Variants in SLC44A1 observed in about 807,000 individuals in gnomAD.
The protein encoded by SLC44A1 is solute carrier family 44 member 1, also known as choline transporter-like protein 1.
In SLC44A1, 26 loss-of-function variants were observed where a neutral mutation model predicts 79.3. The observed-to-expected ratio is 0.33, with a 90% confidence interval of 0.24 to 0.46. SLC44A1 has a LOEUF of 0.46. SLC44A1 is among the 20% of genes least tolerant of loss of function. The pLI is 1.00. For synonymous variants in SLC44A1, 263 were observed against 286.2 expected (o/e 0.92, Z 0.82); for missense variants, 688 against 798.1 (o/e 0.86, Z 1.66).
chr9:105,293,472 C>T (rs1453099517), intron 1 of SLC44A1, among the ~76,000 whole-genome samples: 2 of 152,192 alleles, frequency 1.3e-5, no homozygotes, highest in Non-Finnish European at 2.9e-5. Context: ...ATATTTGAGA[C>T]CTAGTAACTC....
intron 4 of SLC44A1, among the ~76,000 whole-genome samples, chr9:105,342,320 C>A (rs987199719): frequency 6.6e-6 from 1 of 152,178 alleles, no homozygotes; most frequent in Non-Finnish European, 1.5e-5. Context: ...CTTTGTCCAG[C>A]ATATCCACAC....
Position 105,395,898 on chromosome 9 carries a change from CTTT to C in SLC44A1, c.*6855_*6857del, listed in dbSNP as rs570950056. ...TACCATGTTGATAATCCGGTGGTGA[CTTT>C]TTTTTTTTTTTTGTAAATTGTATTA... On this transcript the variant is annotated 3_prime_UTR_variant, in exon 16 of 16. Coordinates refer to ENST00000374720, the MANE Select transcript of SLC44A1 (RefSeq NM_080546.5). 35 of 859,022 alleles carry C rather than the reference CTTT, an allele frequency of 4.1e-5. No homozygotes were observed. Among genetic ancestry groups the C allele is most frequent in the Admixed American group, 6.9e-5 (1 of 14,580 alleles). The allele number at this position is 859,022 out of a possible 1,614,324, so 53.2% of individuals were successfully genotyped here. A position where few individuals can be genotyped will look rare whatever the true frequency, so the allele number is the denominator to read the frequency against.
At chr9:105,362,057 T>C (rs1000873777) in intron 8 of SLC44A1, among the ~76,000 whole-genome samples, 1 of 151,964 alleles carries the variant, frequency 6.6e-6, no homozygotes, top group Admixed American at 6.5e-5. Flanking sequence ...TGTGTGCGTG[T>C]GTGTGCGCGC....
chr9:105,244,670 C>T lies in SLC44A1; in HGVS notation c.-199C>T. 1 of 270,004 alleles carries T rather than the reference C, an allele frequency of 3.7e-6. No homozygotes were observed. The highest frequency in any genetic ancestry group is 6.9e-6 in the Non-Finnish European group (1 of 144,646). The allele number at this position is 270,004 out of a possible 1,614,324, so 16.7% of individuals were successfully genotyped here. A position where few individuals can be genotyped will look rare whatever the true frequency, so the allele number is the denominator to read the frequency against. ...AGCAGGAGACGCGTAGCCGCCGTCG[C>T]CGCCGCCGGGGGATGTGGCCGGCGC... On this transcript the variant is annotated 5_prime_UTR_variant, in exon 1 of 16. Coordinates refer to ENST00000374720, the MANE Select transcript of SLC44A1 (RefSeq NM_080546.5).
intron 3 of SLC44A1, among the ~76,000 whole-genome samples, chr9:105,321,443 A>G (rs77139204): frequency 0.017 from 2,608 of 152,288 alleles, 66 homozygotes; most frequent in African/African-American, 0.059. Context: ...ATTATGGAGA[A>G]ATAGAAATAG....
At position 105,396,817 on chromosome 9, in the gene SLC44A1, A is replaced by G. The variant is rs955524909; in HGVS notation, c.*7761A>G. ...TGTCCATTATAAACTGGAGGATCAC[A>G]GTTAAGCCTTCCATGAATTCATAGT... On this transcript the variant is annotated 3_prime_UTR_variant, in exon 16 of 16. Transcript: ENST00000374720. 30 of 984,778 alleles carry G rather than the reference A, an allele frequency of 3.0e-5. No individual in the cohort carries two copies. The highest frequency in any genetic ancestry group is 3.3e-5 in the Non-Finnish European group (27 of 829,634). The allele number at this position is 984,778 out of a possible 1,614,324, so 61.0% of individuals were successfully genotyped here. A position where few individuals can be genotyped will look rare whatever the true frequency, so the allele number is the denominator to read the frequency against.
At chr9:105,420,737 T>C (rs1829236967) in intron 15 of SLC44A1, among the ~76,000 whole-genome samples, 1 of 151,944 alleles carries the variant, frequency 6.6e-6, no homozygotes. Context: ...GACACATGCC[T>C]GTAATCACAG....
At chr9:105,271,984 CT>C (rs1013754650) in intron 1 of SLC44A1, among the ~76,000 whole-genome samples, 5 of 152,156 alleles carry the variant, frequency 3.3e-5, no homozygotes, top group African/African-American at 4.8e-5. Context: ...ATTTTTGTTT[CT>C]CTGGTGTAGA....
intron 1 of SLC44A1, among the ~76,000 whole-genome samples, chr9:105,277,364 T>A (rs328007): frequency 6.6e-6 from 1 of 152,050 alleles, no homozygotes; most frequent in Admixed American, 6.5e-5. Context: ...ACTCCATTCA[T>A]GATAATGATT....
chr9:105,282,519 C>T (rs1487594487), intron 1 of SLC44A1, among the ~76,000 whole-genome samples: 2 of 152,056 alleles, frequency 1.3e-5, no homozygotes, highest in Non-Finnish European at 2.9e-5. Context: ...TCCTTCTCTA[C>T]TTGCTTCTTA....
intron 13 of SLC44A1, among the ~76,000 whole-genome samples, chr9:105,380,525 A>T (rs1828429154): frequency 6.6e-6 from 1 of 152,052 alleles, no homozygotes; most frequent in South Asian, 2.1e-4. Flanking sequence ...ATTAAGAAAA[A>T]AGTTTGATCA....
intron 1 of SLC44A1, among the ~76,000 whole-genome samples, chr9:105,289,600 T>C (rs973985726): frequency 6.6e-6 from 1 of 152,192 alleles, no homozygotes; most frequent in African/African-American, 2.4e-5. Context: ...CTTAAGAGTT[T>C]TATGCCACTG....
At chr9:105,377,486 C>T (rs1381020113) in intron 13 of SLC44A1, among the ~76,000 whole-genome samples, 1 of 151,732 alleles carries the variant, frequency 6.6e-6, no homozygotes. Context: ...CGCGGTGGCT[C>T]ATGCCTATAA....
chr9:105,292,911 G>A (rs916182977), intron 1 of SLC44A1, among the ~76,000 whole-genome samples: 2 of 152,158 alleles, frequency 1.3e-5, no homozygotes, highest in Admixed American at 6.5e-5. Flanking sequence ...GGTGGCTCAC[G>A]CCTATAATCC....
chr9:105,324,433 T>C (rs1826507172), intron 3 of SLC44A1, among the ~76,000 whole-genome samples: 1 of 151,242 alleles, frequency 6.6e-6, no homozygotes, highest in Non-Finnish European at 1.5e-5. Flanking sequence ...GTATTTTTTT[T>C]GTAGAGATGG....
intron 1 of SLC44A1, among the ~76,000 whole-genome samples, chr9:105,280,105 T>C (rs530360447): frequency 6.6e-6 from 1 of 152,352 alleles, no homozygotes; most frequent in East Asian, 1.9e-4. Flanking sequence ...GAGATGTCAC[T>C]GTTCCAATTA....
At chr9:105,294,826 A>G (rs531723271) in intron 1 of SLC44A1, 1 of 148,906 alleles carries the variant, frequency 6.7e-6, no homozygotes, top group East Asian at 2.0e-4. Flanking sequence ...TTATTATCCT[A>G]TAGTTCTTGG....
chr9:105,385,313 C>A, intron 14 of SLC44A1, 109 bp from the exon 15 acceptor site: 2 of 746,524 alleles, frequency 2.7e-6, no homozygotes, highest in Non-Finnish European at 2.3e-6. Context: ...TGTTTTTAAG[C>A]CATCCATTTA....
At chr9:105,258,407 C>T (rs537271024) in intron 1 of SLC44A1, among the ~76,000 whole-genome samples, 30 of 152,304 alleles carry the variant, frequency 2.0e-4, no homozygotes, top group African/African-American at 7.0e-4. Flanking sequence ...CTGGGCTAAG[C>T]GCTTTACATG....
Sources: allele counts gnomAD v4.1 joint callset (sites outside exome capture counted in the v4.1 genomes callset), GRCh38; gene constraint gnomAD v4.1.1; transcripts MANE v1.5; gene names NCBI Gene and HGNC (gene_info 2026-07-23, HGNC 2026-07-21).